The following GUCY1A2 variants were observed in gnomAD, a reference collection of about 807,000 sequenced individuals.
The protein encoded by GUCY1A2 is guanylate cyclase soluble subunit alpha-2.
GUCY1A2 carries 27 observed loss-of-function variants against 63.5 expected under a neutral mutation model. The observed-to-expected ratio is 0.43, with a 90% CI of 0.31 to 0.59. The LOEUF is 0.59. Ranked by LOEUF, GUCY1A2 falls within the 20% of genes least tolerant of loss-of-function variation. The pLI is 0.11. For synonymous variants in GUCY1A2, 364 were observed against 343.5 expected (o/e 1.06, Z -0.66); for missense variants, 768 against 913.3 (o/e 0.84, Z 2.05).
chr11:106,780,708 T>C (rs1320944709), intron 5 of GUCY1A2, among the ~76,000 whole-genome samples: 1 of 152,238 alleles, frequency 6.6e-6, no homozygotes, highest in Non-Finnish European at 1.5e-5. Flanking sequence ...GTGTACTGCA[T>C]GAATGAATAA....
intron 4 of GUCY1A2, among the ~76,000 whole-genome samples, chr11:106,813,955 G>C (rs1456198449): frequency 1.3e-5 from 2 of 152,068 alleles, no homozygotes; most frequent in Non-Finnish European, 2.9e-5. Flanking sequence ...GAGGTTAAGA[G>C]ATTTGTAAAG....
chr11:106,827,776 G>A, intron 4 of GUCY1A2: 2 of 1,539,052 alleles, frequency 1.3e-6, no homozygotes, highest in Non-Finnish European at 1.8e-6. Context: ...GTTACCAAGA[G>A]AATATCTTCT....
chr11:106,738,865 G>T (rs1863638008), intron 6 of GUCY1A2, among the ~76,000 whole-genome samples: 2 of 152,006 alleles, frequency 1.3e-5, no homozygotes, highest in South Asian at 4.1e-4. Flanking sequence ...GGATTGTCTT[G>T]GCTATACGGG....
At position 107,017,649 on chromosome 11, in the gene GUCY1A2, C is replaced by G. The variant is rs143751146; in HGVS notation, c.303+104G>C. On this transcript the variant is annotated intron_variant, in intron 1 of 7. Coordinates refer to ENST00000526355, the MANE Select transcript of GUCY1A2 (RefSeq NM_000855.3). Reference sequence around the variant, plus strand: ...GTGCAGGGTAAGGCCGGGCCGCCCCCCAGCGGTCGGGCTCTGCGCTCGCGC... The same window carrying G: ...GTGCAGGGTAAGGCCGGGCCGCCCCGCAGCGGTCGGGCTCTGCGCTCGCGC... The G allele has an allele frequency of 1.0e-3, 591 of 576,700 alleles. 6 individuals are homozygous for G. The East Asian group carries it at 0.014, about 14-fold the overall frequency. The allele number at this position is 576,700 out of a possible 1,614,324, so 35.7% of individuals were successfully genotyped here.
At chr11:106,980,123 C>T (rs1330350798) in intron 2 of GUCY1A2, among the ~76,000 whole-genome samples, 5 of 152,092 alleles carry the variant, frequency 3.3e-5, no homozygotes, top group Admixed American at 6.6e-5. Flanking sequence ...AGAAAGTTAT[C>T]GACAAGGAAA....
chr11:106,792,351 A>C (rs1221858348), intron 5 of GUCY1A2, among the ~76,000 whole-genome samples: 1 of 137,670 alleles, frequency 7.3e-6, no homozygotes, highest in Non-Finnish European at 1.5e-5. Context: ...ACACCATTGC[A>C]CTCCAGCCTG....
At chr11:106,922,219 C>G (rs1361687015) in intron 4 of GUCY1A2, among the ~76,000 whole-genome samples, 1 of 152,052 alleles carries the variant, frequency 6.6e-6, no homozygotes, top group Non-Finnish European at 1.5e-5. Flanking sequence ...CAAATACCTG[C>G]CCTTTTACTT....
intron 6 of GUCY1A2, among the ~76,000 whole-genome samples, chr11:106,733,697 G>A (rs1863541078): frequency 7.0e-6 from 1 of 142,434 alleles, no homozygotes; most frequent in African/African-American, 2.5e-5. Flanking sequence ...GGTGGGGACA[G>A]GCCAGGGGAA....
At chr11:106,864,138 A>G (rs1471087488) in intron 4 of GUCY1A2, among the ~76,000 whole-genome samples, 1 of 151,902 alleles carries the variant, frequency 6.6e-6, no homozygotes, top group Non-Finnish European at 1.5e-5. Flanking sequence ...TGGGTACAGC[A>G]AAACACCATG....
At chr11:106,787,101 G>A (rs1454669792) in intron 5 of GUCY1A2, among the ~76,000 whole-genome samples, 1 of 151,072 alleles carries the variant, frequency 6.6e-6, no homozygotes, top group Non-Finnish European at 1.5e-5. Context: ...TTTTTGTGTG[G>A]TGGTTTCTTT....
At position 106,687,234 on chromosome 11, in the gene GUCY1A2, TAAAC is replaced by T. The variant is rs950464690; in HGVS notation, c.*311_*314del. On this transcript the variant is annotated 3_prime_UTR_variant, in exon 8 of 8. Coordinates refer to ENST00000526355, the MANE Select transcript of GUCY1A2 (RefSeq NM_000855.3). ...TAGGGAAAGATACTTGTATGTGTGA[TAAAC>T]AAGAAAACATGGAATCTATTTATTG... The T allele has an allele frequency of 9.4e-5, 28 of 296,360 alleles. No homozygotes were observed. The highest frequency in any genetic ancestry group is 5.3e-4 in the African/African-American group (25 of 47,052). The allele number at this position is 296,360 out of a possible 1,614,324, so 18.4% of individuals were successfully genotyped here. A position where few individuals can be genotyped will look rare whatever the true frequency, so the allele number is the denominator to read the frequency against.
intron 4 of GUCY1A2, among the ~76,000 whole-genome samples, chr11:106,933,532 T>C (rs1201980054): frequency 6.6e-6 from 1 of 152,158 alleles, no homozygotes; most frequent in Non-Finnish European, 1.5e-5. Context: ...TGAAAAACAG[T>C]TTGGAGATTT....
intron 6 of GUCY1A2, among the ~76,000 whole-genome samples, chr11:106,722,786 G>C (rs1272632297): frequency 1.7e-3 from 44 of 25,806 alleles, no homozygotes; most frequent in African/African-American, 0.01. Context: ...GACCAGTTCT[G>C]TGTGTGTGTG....
intron 6 of GUCY1A2, among the ~76,000 whole-genome samples, chr11:106,759,859 T>C (rs903836038): frequency 3.3e-5 from 5 of 152,170 alleles, no homozygotes; most frequent in Admixed American, 6.5e-5. Flanking sequence ...TGCTTGAACC[T>C]GGGAGGCGAA....
intron 4 of GUCY1A2, among the ~76,000 whole-genome samples, chr11:106,937,084 G>A (rs1171449153): frequency 6.6e-6 from 1 of 152,030 alleles, no homozygotes; most frequent in Non-Finnish European, 1.5e-5. Flanking sequence ...CAACTTTACT[G>A]ACCATAGTAT....
chr11:106,778,759 T>G (rs1463213477), intron 5 of GUCY1A2, among the ~76,000 whole-genome samples: 1 of 152,322 alleles, frequency 6.6e-6, no homozygotes, highest in South Asian at 2.1e-4. Flanking sequence ...ATATCTCATA[T>G]TTATTGAATA....
intron 4 of GUCY1A2, among the ~76,000 whole-genome samples, chr11:106,850,576 A>G (rs906321235): frequency 6.6e-6 from 1 of 151,728 alleles, no homozygotes; most frequent in Non-Finnish European, 1.5e-5. Context: ...TTTTTTTGGC[A>G]CCCACATATG....
chr11:106,813,385 T>TG (rs1003419500), intron 4 of GUCY1A2, among the ~76,000 whole-genome samples: 44 of 151,892 alleles, frequency 2.9e-4, no homozygotes, highest in Non-Finnish European at 6.0e-4. Flanking sequence ...TATGCTGGGT[T>TG]GGGGGGTACA....
chr11:107,015,704 A>C (rs1861814200), intron 1 of GUCY1A2, among the ~76,000 whole-genome samples: 1 of 152,030 alleles, frequency 6.6e-6, no homozygotes, highest in South Asian at 2.1e-4. Context: ...TTATTGCACA[A>C]ATGTTGCTTT....
Sources: allele counts gnomAD v4.1 joint callset (sites outside exome capture counted in the v4.1 genomes callset), GRCh38; gene constraint gnomAD v4.1.1; transcripts MANE v1.5; gene names NCBI Gene and HGNC (gene_info 2026-07-23, HGNC 2026-07-21).